SIM2: variants seen among roughly 807,000 people sequenced by gnomAD.
The protein encoded by SIM2 is SIM bHLH transcription factor 2, also known as single-minded homolog 2.
SIM2 carries 28 observed loss-of-function variants against 64.8 expected under a neutral mutation model. That is an observed-to-expected ratio of 0.43 (90% CI 0.32 to 0.59). The LOEUF (loss-of-function observed/expected upper bound fraction) is 0.59, where lower values mean the gene tolerates loss of function less well. SIM2 is among the 20% of genes least tolerant of loss of function. SIM2 has a pLI of 0.07. For missense variants in SIM2, 847 were observed against 871.4 expected, an observed-to-expected ratio of 0.97 and a Z score of 0.35; for synonymous variants, 408 against 391.1, an observed-to-expected ratio of 1.04 and a Z score of -0.51.
chr21:36,724,714 G>A (rs574752143), intron 5 of SIM2, among the ~76,000 whole-genome samples: 44 of 152,292 alleles, frequency 2.9e-4, no homozygotes, highest in African/African-American at 9.6e-4. Flanking sequence ...TTTAAGATTT[G>A]TTTTAGCCCT....
chr21:36,715,715 A>C (rs2088737957), intron 3 of SIM2, among the ~76,000 whole-genome samples: 1 of 152,202 alleles, frequency 6.6e-6, no homozygotes. Flanking sequence ...AATTCACTAC[A>C]AAGTGATTTT....
chr21:36,740,015 GAAAGAAAGAAAGAA>G (rs2089137845), intron 7 of SIM2, among the ~76,000 whole-genome samples: 2 of 35,884 alleles, frequency 5.6e-5, no homozygotes, highest in Non-Finnish European at 2.7e-4. Flanking sequence ...AAGAGAGAAA[GAAAGAAAGAAAGAA>G]AGAAAGAAAG....
In SIM2 at chr21:36,699,630, C is replaced by A. The variant is rs892240742; in HGVS notation, c.-117C>A. The stretch of plus-strand genomic sequence containing the variant: ...GCCCCCCGCACCTGCCCGCGGCCCA[C>A]TCCGCGGACTCACCTGGCTCCCGGC... On this transcript the variant is annotated 5_prime_UTR_variant, in exon 1 of 11. Coordinates refer to ENST00000290399, the MANE Select transcript of SIM2 (RefSeq NM_005069.6). The surrounding 1 kb of genome is among the most constrained non-coding windows in gnomAD (Gnocchi z 5.6). 1.5e-5 allele frequency: 18 copies of A among 1,205,074 alleles called. No homozygotes were observed. The highest frequency in any genetic ancestry group is 1.2e-5 in the Non-Finnish European group (11 of 893,068). 74.6% of individuals were successfully genotyped at this position (1,205,074 alleles called of 1,614,324 possible). A position where few individuals can be genotyped will look rare whatever the true frequency, so the allele number is the denominator to read the frequency against.
intron 5 of SIM2, among the ~76,000 whole-genome samples, chr21:36,723,693 G>A (rs1162881232): frequency 2.6e-5 from 4 of 152,252 alleles, no homozygotes; most frequent in African/African-American, 9.6e-5. Flanking sequence ...GACCAGAGGA[G>A]GGACGGCAGA....
chr21:36,740,009 G>A (rs146515134), intron 7 of SIM2, among the ~76,000 whole-genome samples: 151 of 131,252 alleles, frequency 1.2e-3, no homozygotes, highest in Middle Eastern at 7.5e-3. Flanking sequence ...GAAAGAAAGA[G>A]AGAAAGAAAG....
intron 9 of SIM2, among the ~76,000 whole-genome samples, chr21:36,743,899 T>C (rs1441221058): frequency 2.6e-5 from 4 of 152,216 alleles, no homozygotes; most frequent in Admixed American, 2.6e-4. Flanking sequence ...TTCTGCAGCA[T>C]TTTAAAAATG....
chr21:36,733,660 T>A (rs2089003728), intron 7 of SIM2, among the ~76,000 whole-genome samples: 1 of 149,884 alleles, frequency 6.7e-6, no homozygotes. Flanking sequence ...CCCGGGTTCA[T>A]GCCATTGCCC....
intron 7 of SIM2, among the ~76,000 whole-genome samples, chr21:36,737,984 C>CAAAAAAAAAAAAAA (rs71326699): frequency 1.1e-5 from 1 of 90,238 alleles, no homozygotes; most frequent in Non-Finnish European, 2.1e-5. Flanking sequence ...AAAAAAAAAG[C>CAAAAAAAAAAAAAA]AAAAAAAAAG....
intron 1 of SIM2, among the ~76,000 whole-genome samples, chr21:36,702,693 G>A (rs770785908): frequency 4.6e-5 from 7 of 152,164 alleles, no homozygotes; most frequent in South Asian, 2.1e-4. Flanking sequence ...CTGGGTCTGC[G>A]AGGGAGGATA....
rs1393428640 is a variant in SIM2, at chr21:36,726,184, C to T, written c.609C>T (p.Ser203=). 1 of 1,614,104 alleles carries T rather than the reference C, an allele frequency of 6.2e-7. No homozygotes were observed. The highest frequency in any genetic ancestry group is 1.1e-5 in the South Asian group (1 of 91,084). The change falls in exon 6 of 11, where the codon TCC becomes TCT. Residue 203 remains serine (S), a synonymous_variant. Coordinates refer to ENST00000290399, the MANE Select transcript of SIM2 (RefSeq NM_005069.6). This position sits in a 1 kb window ranked among gnomAD's most constrained non-coding sequence, Gnocchi z 4.5. The part of the protein sequence containing the change: ...QYMLDMSLYD[S]CYQIVGLVAV... ...TGCTGGACATGTCCCTGTACGACTC[C>T]TGCTACCAGATTGTGGGGCTGGTGG...
chr21:36,702,181 G>C (rs2088509741), intron 1 of SIM2, among the ~76,000 whole-genome samples: 1 of 152,210 alleles, frequency 6.6e-6, no homozygotes, highest in Admixed American at 6.5e-5. Context: ...TGGGCCCCGA[G>C]TTTGGGCGGG....
intron 7 of SIM2, among the ~76,000 whole-genome samples, chr21:36,731,811 A>C (rs2088972230): frequency 6.6e-6 from 1 of 152,188 alleles, no homozygotes; most frequent in South Asian, 2.1e-4. Flanking sequence ...GAACATCAGG[A>C]TATAGAGGCG....
intron 3 of SIM2, among the ~76,000 whole-genome samples, chr21:36,713,991 G>A (rs1482268167): frequency 6.6e-6 from 1 of 152,224 alleles, no homozygotes; most frequent in Non-Finnish European, 1.5e-5. Flanking sequence ...TGTACTTGTA[G>A]AATGGGAACT....
At chr21:36,715,974 A>C (rs2088741506) in intron 3 of SIM2, among the ~76,000 whole-genome samples, 1 of 152,228 alleles carries the variant, frequency 6.6e-6, no homozygotes, top group Non-Finnish European at 1.5e-5. Flanking sequence ...ACAATGACAG[A>C]GACAACCATA....
chr21:36,702,797 G>A (rs1399423494), intron 1 of SIM2, among the ~76,000 whole-genome samples: 3 of 152,054 alleles, frequency 2.0e-5, no homozygotes, highest in South Asian at 2.1e-4. Flanking sequence ...CCGGGCTGTG[G>A]CAGGGGCTCT....
intron 7 of SIM2, among the ~76,000 whole-genome samples, chr21:36,736,837 TTC>T (rs747719274): frequency 1.6e-5 from 2 of 122,030 alleles, no homozygotes; most frequent in Admixed American, 8.8e-5. Flanking sequence ...TCTTCTTTCT[TTC>T]TCTTTCTTTT....
chr21:36,726,582 T>A lies in SIM2; in HGVS notation c.743+264T>A, dbSNP rs1460589531. Among the ~76,000 whole-genome samples the A allele has an allele frequency of 6.6e-6, 1 of 152,376 alleles. No homozygotes were observed. The highest frequency in any genetic ancestry group is 1.5e-5 in the Non-Finnish European group (1 of 68,036). On this transcript the variant is annotated intron_variant, in intron 6 of 10. Transcript: ENST00000290399. The surrounding 1 kb of genome is among the most constrained non-coding windows in gnomAD (Gnocchi z 4.5). ...ATTTTATTTACTTATTGATTACTTG[T>A]TTTATTTTATTTACTTATTTGAATC...
At chr21:36,738,745 G>T (rs1430040056) in intron 7 of SIM2, among the ~76,000 whole-genome samples, 3 of 152,216 alleles carry the variant, frequency 2.0e-5, no homozygotes, top group Non-Finnish European at 4.4e-5. Flanking sequence ...GCTGGAAGTA[G>T]ACACCATGTA....
At chr21:36,733,015 G>A (rs2088991537) in intron 7 of SIM2, among the ~76,000 whole-genome samples, 1 of 152,166 alleles carries the variant, frequency 6.6e-6, no homozygotes, top group Admixed American at 6.5e-5. Flanking sequence ...CGCTCCCCCT[G>A]CCACTGTTGG....
Sources: allele counts gnomAD v4.1 joint callset (sites outside exome capture counted in the v4.1 genomes callset), GRCh38; gene constraint gnomAD v4.1.1; non-coding constraint Gnocchi (gnomAD v3.1); transcripts MANE v1.5; gene names NCBI Gene and HGNC (gene_info 2026-07-23, HGNC 2026-07-21).